The following G3BP1 variants were observed in gnomAD, a reference collection of about 807,000 sequenced individuals.
G3BP1 encodes the protein G3BP stress granule assembly factor 1.
Under a neutral mutation model 58.6 loss-of-function variants are expected in G3BP1, and 35 were observed. The ratio of observed to expected loss-of-function variants is 0.60; its 90% CI spans 0.46 to 0.79. The LOEUF is 0.79. Among genes scored for constraint, G3BP1 ranks in the 30% least tolerant of loss-of-function variants. The probability of loss-of-function intolerance (pLI) is 0.00; values close to 1 mark genes in which losing one functional copy is unlikely to be tolerated. For missense variants in G3BP1, 523 were observed against 580.8 expected (o/e 0.90, Z 1.02); for synonymous variants, 191 against 195.4 (o/e 0.98, Z 0.19).
Position 151,800,908 on chromosome 5 carries a change from T to A in G3BP1, c.1194+39T>A, listed in dbSNP as rs756557034. On this transcript the variant is annotated intron_variant, in intron 11 of 11. Transcript: ENST00000356245. ...TGTCTTGATTTTTTTTTTTTTTTTTTAAAAAGGGTTTTGGTTCTTTAGAAT... is the reference window on the plus strand; with the variant it reads ...TGTCTTGATTTTTTTTTTTTTTTTTAAAAAAGGGTTTTGGTTCTTTAGAAT... 3,049 of 801,866 alleles carry A rather than the reference T, an allele frequency of 3.8e-3. 7 individuals are homozygous for A. The highest frequency in any genetic ancestry group is 5.1e-3 in the Non-Finnish European group (2,507 of 493,850). 49.7% of individuals were successfully genotyped at this position (801,866 alleles called of 1,614,324 possible).
intron 11 of G3BP1, among the ~76,000 whole-genome samples, chr5:151,802,042 C>G (rs1433249491): frequency 4.6e-5 from 7 of 152,150 alleles, no homozygotes; most frequent in Non-Finnish European, 1.0e-4. Flanking sequence ...ATCTCGAACT[C>G]CTGACCTCAG....
At chr5:151,772,892 T>C (rs959931917) in intron 1 of G3BP1, among the ~76,000 whole-genome samples, 1 of 152,238 alleles carries the variant, frequency 6.6e-6, no homozygotes. Flanking sequence ...GCGGCATTTG[T>C]ACTTGGGCTA....
At chr5:151,779,059 ATCAG>A (rs1340533253) in intron 1 of G3BP1, among the ~76,000 whole-genome samples, 4 of 152,116 alleles carry the variant, frequency 2.6e-5, no homozygotes, top group East Asian at 3.9e-4. Flanking sequence ...AAAAAAAAAA[ATCAG>A]TCAGTCAATC....
chr5:151,799,684 CAA>C (rs534014241), intron 8 of G3BP1, among the ~76,000 whole-genome samples: 1 of 125,660 alleles, frequency 8.0e-6, no homozygotes. Context: ...GACTCTGGCT[CAA>C]AAAAAAAAAA....
intron 10 of G3BP1, 98 bp downstream of exon 10, chr5:151,800,444 C>T: frequency 2.4e-6 from 2 of 824,600 alleles, no homozygotes; most frequent in South Asian, 2.2e-5. Flanking sequence ...TATAAATTTT[C>T]TAGTAGTCAT....
chr5:151,804,004 G>C lies in G3BP1; in HGVS notation c.1314G>C (p.Leu438=). 1.2e-6 allele frequency: 2 copies of C among 1,613,594 alleles called. No individual in the cohort carries two copies. The highest frequency in any genetic ancestry group is 1.7e-6 in the Non-Finnish European group (2 of 1,179,732). The part of the protein sequence containing the change: ...LRGPGGPRGG[L]GGGMRGPPRG... ...GACCTGGAGGCCCTCGAGGTGGGCT[G>C]GGTGGTGGAATGAGAGGCCCTCCCC... Residue 438 remains leucine, a synonymous_variant, in exon 12 of 12, where the codon CTG becomes CTC. Transcript: ENST00000356245.
intron 4 of G3BP1, among the ~76,000 whole-genome samples, chr5:151,793,831 CAAAAAAAAAAA>C (rs751382380): frequency 1.0e-5 from 1 of 97,834 alleles, no homozygotes; most frequent in South Asian, 3.1e-4. Flanking sequence ...CGTCTCTACT[CAAAAAAAAAAA>C]AAAAAAAAAG....
intron 2 of G3BP1, among the ~76,000 whole-genome samples, chr5:151,788,342 G>A (rs184964782): frequency 1.3e-5 from 2 of 152,032 alleles, no homozygotes; most frequent in African/African-American, 2.4e-5. Flanking sequence ...TTAAAAATTT[G>A]CAGGTACATA....
rs139901016 is a variant in G3BP1 at position 151,780,230 on chromosome 5, T to C, written c.-49-6342T>C. The stretch of plus-strand genomic sequence containing the variant: ...GTTTTGTTTGCTGTCCATTTAGTAC[T>C]TTCCTGAGAATTGGCTGCTCCATTT... On this transcript the variant is annotated intron_variant, in intron 1 of 11. Transcript: ENST00000356245. Among the ~76,000 whole-genome samples, 102 of 152,358 alleles carry C rather than the reference T, an allele frequency of 6.7e-4. 3 individuals are homozygous for C. The East Asian group carries it at 0.018, about 28-fold the overall frequency.
chr5:151,783,410 A>T (rs1178354675), intron 1 of G3BP1, among the ~76,000 whole-genome samples: 1 of 146,110 alleles, frequency 6.8e-6, no homozygotes, highest in Non-Finnish European at 1.5e-5. Context: ...AAATAAACAG[A>T]TTTTTTTTTT....
At position 151,790,924 on chromosome 5, in the gene G3BP1, C is replaced by G; in HGVS notation, c.213C>G (p.Thr71=). The G allele has an allele frequency of 6.2e-7, 1 of 1,606,576 alleles. No homozygotes were observed. Among genetic ancestry groups the G allele is most frequent in the Non-Finnish European group, 8.5e-7 (1 of 1,175,480 alleles). The change falls in exon 4 of 12, where the codon ACC becomes ACG. Residue 71 remains threonine, a synonymous_variant. Transcript: ENST00000356245. ...IHRKVMSQNF[T]NCHTKIRHVD... ...GGAAAGTGATGTCACAAAACTTCAC[C>G]AACTGCCACACCAAGATTCGCCATG...
At chr5:151,783,854 C>A (rs567087030) in intron 1 of G3BP1, among the ~76,000 whole-genome samples, 1 of 152,232 alleles carries the variant, frequency 6.6e-6, no homozygotes, top group African/African-American at 2.4e-5. Flanking sequence ...CCTCCGCCTC[C>A]CGGGTTCAAG....
intron 2 of G3BP1, 34 bp downstream of exon 2, chr5:151,786,749 G>T: frequency 8.3e-7 from 1 of 1,207,622 alleles, no homozygotes; most frequent in Middle Eastern, 1.9e-4. Context: ...ATCTAATGCT[G>T]TCTTTTAGTA....
At chr5:151,782,957 A>C (rs1245855494) in intron 1 of G3BP1, among the ~76,000 whole-genome samples, 1 of 148,378 alleles carries the variant, frequency 6.7e-6, no homozygotes. Context: ...TGCTAGGTTC[A>C]AGCGATTCTC....
chr5:151,804,190 T>C lies in G3BP1; in HGVS notation c.*99T>C. 1.3e-6 allele frequency: 1 copy of C among 793,476 alleles called. No homozygotes were observed. Among genetic ancestry groups the C allele is most frequent in the Non-Finnish European group, 2.0e-6 (1 of 490,700 alleles). 49.2% of individuals were successfully genotyped at this position (793,476 alleles called of 1,614,324 possible). A position where few individuals can be genotyped will look rare whatever the true frequency, so the allele number is the denominator to read the frequency against. On this transcript the variant is annotated 3_prime_UTR_variant, in exon 12 of 12. Coordinates refer to ENST00000356245, the MANE Select transcript of G3BP1 (RefSeq NM_005754.3). ...ATCTTGGAGTATGACCCCAGTCTGT[T>C]ATAAACTGCTTAAGTTTGTATAATT...
At chr5:151,797,091 A>G in intron 6 of G3BP1, 136 bp from the exon 7 acceptor site, 2 of 750,322 alleles carry the variant, frequency 2.7e-6, no homozygotes, top group Non-Finnish European at 2.2e-6. Context: ...ACTCAGATAG[A>G]TATACAATTC....
chr5:151,790,274 AACT>A (rs1455691371), intron 2 of G3BP1, 46 bp from the exon 3 acceptor site: 1 of 1,047,434 alleles, frequency 9.5e-7, no homozygotes, highest in African/African-American at 1.7e-5. Flanking sequence ...GTGAAAAATA[AACT>A]TAAGATACTT....
At chr5:151,776,897 C>CT (rs199646127) in intron 1 of G3BP1, among the ~76,000 whole-genome samples, 27,067 of 130,488 alleles carry the variant, frequency 0.21, 3,326 homozygotes, top group South Asian at 0.33. Context: ...GTTGTTCCAG[C>CT]TTTTTTTTTT....
chr5:151,791,995 T>G (rs1561534697), intron 4 of G3BP1: 8 of 421,290 alleles, frequency 1.9e-5, no homozygotes, highest in South Asian at 1.4e-4. Context: ...GGATGGGAGA[T>G]TCTCTATCTT....
Sources: allele counts gnomAD v4.1 joint callset (sites outside exome capture counted in the v4.1 genomes callset), GRCh38; gene constraint gnomAD v4.1.1; transcripts MANE v1.5; gene names NCBI Gene and HGNC (gene_info 2026-07-23, HGNC 2026-07-21).